The following PARD3B variants were observed in gnomAD, a reference collection of about 807,000 sequenced individuals.
PARD3B encodes the protein partitioning defective 3 homolog B.
Under a neutral mutation model 130.2 loss-of-function variants are expected in PARD3B, and 103 were observed. The ratio of observed to expected loss-of-function variants is 0.79; its 90% CI spans 0.67 to 0.93. The LOEUF (loss-of-function observed/expected upper bound fraction) is 0.93. Ranked by LOEUF, PARD3B falls within the 40% of genes least tolerant of loss-of-function variation. The pLI, the probability that PARD3B is intolerant of heterozygous loss-of-function variation, is 0.00. For synonymous variants in PARD3B, 583 were observed against 553.2 expected (o/e 1.05, Z -0.76); for missense variants, 1,609 against 1,499.2 (o/e 1.07, Z -1.21).
intron 2 of PARD3B, among the ~76,000 whole-genome samples, chr2:204,721,257 G>T (rs1023602528): frequency 1.7e-4 from 26 of 152,146 alleles, no homozygotes; most frequent in Non-Finnish European, 1.0e-4. Flanking sequence ...ATTATTTACG[G>T]CACTTGGTAG....
intron 1 of PARD3B, among the ~76,000 whole-genome samples, chr2:204,632,065 G>A (rs1233128618): frequency 6.6e-6 from 1 of 152,070 alleles, no homozygotes; most frequent in African/African-American, 2.4e-5. Flanking sequence ...CTGTGGGGAG[G>A]TGACTGGATC....
At chr2:205,368,545 T>C (rs2044692197) in intron 18 of PARD3B, among the ~76,000 whole-genome samples, 1 of 152,026 alleles carries the variant, frequency 6.6e-6, no homozygotes. Context: ...GGCATGAGAA[T>C]TGCTTGAACC....
intron 2 of PARD3B, among the ~76,000 whole-genome samples, chr2:204,752,595 A>G (rs1315455022): frequency 6.6e-6 from 1 of 152,144 alleles, no homozygotes; most frequent in African/African-American, 2.4e-5. Context: ...TCATTATTCC[A>G]ATGGTGTAAC....
chr2:204,849,320 T>G (rs1256514242), intron 2 of PARD3B, among the ~76,000 whole-genome samples: 1 of 152,214 alleles, frequency 6.6e-6, no homozygotes, highest in Non-Finnish European at 1.5e-5. Context: ...TGTATGCATA[T>G]TATTTAAAAA....
intron 7 of PARD3B, among the ~76,000 whole-genome samples, chr2:205,120,584 G>T (rs931431077): frequency 1.3e-5 from 2 of 152,170 alleles, no homozygotes; most frequent in Admixed American, 1.3e-4. Context: ...ACAAGCAAAC[G>T]TGGAAGAGGG....
At chr2:205,289,892 C>A (rs1162277492) in intron 16 of PARD3B, among the ~76,000 whole-genome samples, 1 of 151,872 alleles carries the variant, frequency 6.6e-6, no homozygotes, top group Non-Finnish European at 1.5e-5. Flanking sequence ...CAAGAAGGCC[C>A]TTACCAGATG....
At chr2:205,174,874 A>G (rs2035377256) in intron 12 of PARD3B, among the ~76,000 whole-genome samples, 2 of 152,206 alleles carry the variant, frequency 1.3e-5, no homozygotes. Context: ...GATTGAATCA[A>G]AATTGTTTTA....
At chr2:205,411,243 G>C (rs540510778) in intron 19 of PARD3B, among the ~76,000 whole-genome samples, 2 of 152,234 alleles carry the variant, frequency 1.3e-5, no homozygotes, top group East Asian at 3.9e-4. Context: ...TAGATAGATA[G>C]ATAGATATAA....
At chr2:205,508,245 A>G (rs1451843746) in intron 21 of PARD3B, among the ~76,000 whole-genome samples, 4 of 152,214 alleles carry the variant, frequency 2.6e-5, no homozygotes, top group African/African-American at 4.8e-5. Flanking sequence ...AACCTTTAGA[A>G]GGTGAGATGG....
chr2:205,596,273 T>C (rs1426662381), intron 22 of PARD3B, among the ~76,000 whole-genome samples: 3 of 152,234 alleles, frequency 2.0e-5, no homozygotes, highest in African/African-American at 7.2e-5. Context: ...ATAACTTTTA[T>C]TATTTGTTGA....
At chr2:204,621,889 T>C (rs1032767117) in intron 1 of PARD3B, among the ~76,000 whole-genome samples, 2 of 152,234 alleles carry the variant, frequency 1.3e-5, no homozygotes, top group Non-Finnish European at 2.9e-5. Flanking sequence ...TCAATTACTT[T>C]CCTGTTTGAA....
chr2:205,053,308 T>A (rs995070079), intron 4 of PARD3B, among the ~76,000 whole-genome samples: 1 of 151,808 alleles, frequency 6.6e-6, no homozygotes, highest in African/African-American at 2.4e-5. Flanking sequence ...CACTGTGATG[T>A]TAGAGGACTT....
At chr2:205,408,375 T>C (rs1160115754) in intron 19 of PARD3B, among the ~76,000 whole-genome samples, 1 of 152,176 alleles carries the variant, frequency 6.6e-6, no homozygotes, top group Non-Finnish European at 1.5e-5. Context: ...TCCCAACCTC[T>C]CAGCATTTTA....
At chr2:204,852,071 A>ATAAG (rs2044728666) in intron 2 of PARD3B, among the ~76,000 whole-genome samples, 1 of 152,200 alleles carries the variant, frequency 6.6e-6, no homozygotes, top group African/African-American at 2.4e-5. Context: ...ACAGAGTGAT[A>ATAAG]TAAGGAAGGT....
At chr2:205,516,021 A>G (rs1348193828) in intron 21 of PARD3B, among the ~76,000 whole-genome samples, 1 of 152,152 alleles carries the variant, frequency 6.6e-6, no homozygotes, top group Non-Finnish European at 1.5e-5. Context: ...ATGGCTAGCT[A>G]GTTATCCCAG....
intron 21 of PARD3B, among the ~76,000 whole-genome samples, chr2:205,541,357 T>A (rs911864368): frequency 6.6e-6 from 1 of 150,934 alleles, no homozygotes; most frequent in East Asian, 1.9e-4. Flanking sequence ...GTTTTTTTTT[T>A]TTTTTTTTGA....
chr2:204,590,040 A>G (rs2033008501), intron 1 of PARD3B, among the ~76,000 whole-genome samples: 1 of 152,128 alleles, frequency 6.6e-6, no homozygotes, highest in Non-Finnish European at 1.5e-5. Flanking sequence ...TTCTGCTTAG[A>G]GGGTGATTGT....
chr2:204,672,646 C>T (rs551430373), intron 1 of PARD3B, among the ~76,000 whole-genome samples: 1 of 152,280 alleles, frequency 6.6e-6, no homozygotes, highest in East Asian at 1.9e-4. Context: ...TTGATCCAGG[C>T]ATAGGAAAAA....
chr2:205,580,392 G>A (rs896558752), intron 22 of PARD3B, among the ~76,000 whole-genome samples: 1 of 152,084 alleles, frequency 6.6e-6, no homozygotes, highest in African/African-American at 2.4e-5. Flanking sequence ...GGCTTCTCCG[G>A]TCTCTTCCTT....
Sources: gnomAD v4.1 joint callset for allele counts (sites outside exome capture counted in the v4.1 genomes callset) on GRCh38, gnomAD v4.1.1 for gene constraint, MANE v1.5 for transcripts, NCBI Gene and HGNC (gene_info 2026-07-23, HGNC 2026-07-21) for gene names.